The following HDAC4 variants were observed in gnomAD, a reference collection of about 807,000 sequenced individuals.
HDAC4 encodes the protein histone deacetylase 4.
Under a neutral mutation model 135.1 loss-of-function variants are expected in HDAC4, and 16 were observed. The ratio of observed to expected loss-of-function variants is 0.12; its 90% CI spans 0.08 to 0.18. HDAC4 has a LOEUF of 0.18. HDAC4 is among the 10% of genes least tolerant of loss of function. HDAC4 has a pLI of 1.00. For missense variants in HDAC4, 1,143 were observed against 1,511.8 expected, an observed-to-expected ratio of 0.76 and a Z score of 4.05; for synonymous variants, 685 against 653.4, an observed-to-expected ratio of 1.05 and a Z score of -0.74.
intron 2 of HDAC4, among the ~76,000 whole-genome samples, chr2:239,348,594 G>A (rs1692891057): frequency 6.6e-6 from 1 of 152,252 alleles, no homozygotes; most frequent in Non-Finnish European, 1.5e-5. Context: ...GCCCCCGTGG[G>A]CTTTCCGTCC....
At chr2:239,190,271 G>A (rs924303710) in intron 3 of HDAC4, among the ~76,000 whole-genome samples, 194 bp from the exon 4 acceptor site, 2 of 151,922 alleles carry the variant, frequency 1.3e-5, no homozygotes, top group African/African-American at 2.4e-5. Flanking sequence ...GAGGCCTCTG[G>A]GGCCCATTCC....
At chr2:239,368,942 G>A (rs148662054) in intron 1 of HDAC4, among the ~76,000 whole-genome samples, 3 of 152,302 alleles carry the variant, frequency 2.0e-5, no homozygotes, top group Admixed American at 6.5e-5. Flanking sequence ...ACCTGCTGCT[G>A]TGATTATTCA....
rs529621025 is a variant in HDAC4, at chr2:239,083,672, T to C, written c.2532+483A>G. Among the ~76,000 whole-genome samples, 131 of 152,316 alleles carry C rather than the reference T, an allele frequency of 8.6e-4. 1 individual carries two copies. Among genetic ancestry groups the C allele is most frequent in the African/African-American group, 3.1e-3 (127 of 41,586 alleles). ...CAGATTCGGACATCATATAGCATTA[T>C]TTAAAAAGAGATGACTCTTTTGGGG... On this transcript the variant is annotated intron_variant, in intron 20 of 26. Coordinates refer to ENST00000543185, the MANE Select transcript of HDAC4 (RefSeq NM_001378414.1).
At chr2:239,391,899 C>T (rs1443222860) in intron 1 of HDAC4, among the ~76,000 whole-genome samples, 2 of 118,986 alleles carry the variant, frequency 1.7e-5, no homozygotes, top group Admixed American at 1.0e-4. Flanking sequence ...AACAGAACTT[C>T]GTCAGAACGC....
Position 239,400,677 on chromosome 2 carries a change from CG to C in HDAC4, c.-220+300del, listed in dbSNP as rs1322834523. 6.8e-6 allele frequency: 1 copy of C among 146,360 alleles called. No individual in the cohort carries two copies. The allele number at this position is 146,360 out of a possible 1,614,324, so 9.1% of individuals were successfully genotyped here. ...GGACAATGGCCCGCGGGCGCCGGGC[CG>C]GGGCTGCGCTTACCGCGGCGGGCGG... On this transcript the variant is annotated intron_variant, in intron 1 of 26. Coordinates refer to ENST00000543185, the MANE Select transcript of HDAC4 (RefSeq NM_001378414.1). The surrounding 1 kb of genome is among the most constrained non-coding windows in gnomAD (Gnocchi z 4.7).
rs930457366 is a variant in HDAC4, at chr2:239,139,985, T to C, written c.866-189A>G. ...ATGATGCTGATTTCTGATTTTCCAG[T>C]TTTGCCACTGACTTCACTTTTTCTA... is the stretch of plus-strand genomic sequence containing the variant. On this transcript the variant is annotated intron_variant, in intron 8 of 26. Coordinates refer to ENST00000543185, the MANE Select transcript of HDAC4 (RefSeq NM_001378414.1). The surrounding 1 kb of genome is among the most constrained non-coding windows in gnomAD (Gnocchi z 5.3). Among the ~76,000 whole-genome samples the C allele has an allele frequency of 2.6e-5, 4 of 152,224 alleles. No individual in the cohort carries two copies. The highest frequency in any genetic ancestry group is 5.9e-5 in the Non-Finnish European group (4 of 68,030).
At chr2:239,164,016 T>G in intron 5 of HDAC4, 93 bp from the exon 6 acceptor site, 1 of 1,492,178 alleles carries the variant, frequency 6.7e-7, no homozygotes, top group Non-Finnish European at 9.3e-7. Flanking sequence ...AGGGAAGGGC[T>G]GGGGACGGCT....
intron 1 of HDAC4, among the ~76,000 whole-genome samples, chr2:239,371,295 A>G (rs964535764): frequency 1.3e-5 from 2 of 152,046 alleles, no homozygotes; most frequent in African/African-American, 4.8e-5. Context: ...ATCCTTATAC[A>G]CTCACACACA....
At chr2:239,241,237 C>T (rs180732852) in intron 2 of HDAC4, among the ~76,000 whole-genome samples, 1 of 152,218 alleles carries the variant, frequency 6.6e-6, no homozygotes, top group East Asian at 1.9e-4. Flanking sequence ...ACATGAAAGC[C>T]CCACGCACAG....
chr2:239,208,816 C>T (rs1222831213), intron 3 of HDAC4, among the ~76,000 whole-genome samples: 1 of 152,166 alleles, frequency 6.6e-6, no homozygotes, highest in African/African-American at 2.4e-5. Context: ...ATACAAGGCA[C>T]CTAGAAGTAT....
chr2:239,319,706 A>AT (rs1223480177), intron 2 of HDAC4, among the ~76,000 whole-genome samples: 1 of 152,254 alleles, frequency 6.6e-6, no homozygotes, highest in Non-Finnish European at 1.5e-5. Context: ...AATTCACAAA[A>AT]TTGAATGCAA....
At chr2:239,103,999 C>G (rs767378261) in intron 15 of HDAC4, among the ~76,000 whole-genome samples, 2 of 152,154 alleles carry the variant, frequency 1.3e-5, no homozygotes, top group Non-Finnish European at 2.9e-5. Flanking sequence ...ACAACAATTC[C>G]ACAAAACCGG....
chr2:239,380,423 T>C (rs1695337521), intron 1 of HDAC4, among the ~76,000 whole-genome samples: 1 of 152,246 alleles, frequency 6.6e-6, no homozygotes. Context: ...CTATAGTTAT[T>C]GTATGTATAA....
chr2:239,400,921 T>C lies in HDAC4; in HGVS notation c.-220+57A>G, dbSNP rs2126149882. The C allele has an allele frequency of 6.7e-6, 1 of 148,708 alleles. No individual in the cohort carries two copies. The highest frequency in any genetic ancestry group is 2.0e-4 in the East Asian group (1 of 5,028). The allele number at this position is 148,708 out of a possible 1,614,324, so 9.2% of individuals were successfully genotyped here. A position where few individuals can be genotyped will look rare whatever the true frequency, so the allele number is the denominator to read the frequency against. On this transcript the variant is annotated intron_variant, in intron 1 of 26. Coordinates refer to ENST00000543185, the MANE Select transcript of HDAC4 (RefSeq NM_001378414.1). This position sits in a 1 kb window ranked among gnomAD's most constrained non-coding sequence, Gnocchi z 4.7. Reference sequence around the variant, plus strand: ...CGGGCTCGGGCGGCGGCGGGGACGGTGCTCCGCGGCGGCGGCCCCACAACC... The same window carrying C: ...CGGGCTCGGGCGGCGGCGGGGACGGCGCTCCGCGGCGGCGGCCCCACAACC...
chr2:239,341,192 C>T (rs748234888), intron 2 of HDAC4, among the ~76,000 whole-genome samples: 1 of 152,230 alleles, frequency 6.6e-6, no homozygotes, highest in Non-Finnish European at 1.5e-5. Flanking sequence ...CCTTGCCTTC[C>T]TCCCTCCCCG....
At chr2:239,242,922 A>G (rs2153194010) in intron 2 of HDAC4, among the ~76,000 whole-genome samples, 1 of 152,244 alleles carries the variant, frequency 6.6e-6, no homozygotes, top group South Asian at 2.1e-4. Flanking sequence ...AACGTAGTAA[A>G]CTTTTTTTTC....
At chr2:239,244,749 C>T (rs986835804) in intron 2 of HDAC4, among the ~76,000 whole-genome samples, 3 of 152,180 alleles carry the variant, frequency 2.0e-5, no homozygotes, top group Admixed American at 6.5e-5. Flanking sequence ...CTGCGCTGGC[C>T]TCCTCCCAGC....
In HDAC4 at chr2:239,139,843, A is replaced by AG. The variant is rs1559499762; in HGVS notation, c.866-48dup. 2 of 1,544,284 alleles carry AG rather than the reference A, an allele frequency of 1.3e-6. No individual in the cohort carries two copies. Among genetic ancestry groups the AG allele is most frequent in the Admixed American group, 1.7e-5 (1 of 59,868 alleles). On this transcript the variant is annotated intron_variant, in intron 8 of 26. Transcript: ENST00000543185. This position sits in a 1 kb window ranked among gnomAD's most constrained non-coding sequence, Gnocchi z 5.3. Reference sequence around the variant, plus strand: ...GGTGAGTGTTACTCCATGCGGAGGGAGGGCCGTGCTGACCTGTGGCCCGAA... The same window carrying AG: ...GGTGAGTGTTACTCCATGCGGAGGGAGGGGCCGTGCTGACCTGTGGCCCGAA...
At chr2:239,090,795 A>G (rs2152724439) in intron 17 of HDAC4, among the ~76,000 whole-genome samples, 1 of 152,360 alleles carries the variant, frequency 6.6e-6, no homozygotes, top group Middle Eastern at 3.4e-3. Context: ...GAAAAACACC[A>G]AACTCTGAAA....
Sources: allele counts gnomAD v4.1 joint callset (sites outside exome capture counted in the v4.1 genomes callset), GRCh38; gene constraint gnomAD v4.1.1; non-coding constraint Gnocchi (gnomAD v3.1); transcripts MANE v1.5; gene names NCBI Gene and HGNC (gene_info 2026-07-23, HGNC 2026-07-21).